CYTH4: variants seen among roughly 807,000 people sequenced by gnomAD.
The protein encoded by CYTH4 is cytohesin-4.
In CYTH4, 22 loss-of-function variants were observed where a neutral mutation model predicts 57.5. That is an observed-to-expected ratio of 0.38 (90% CI 0.27 to 0.55). The LOEUF is 0.55. CYTH4 is among the 20% of genes least tolerant of loss of function. The probability of loss-of-function intolerance (pLI) is 0.74; values close to 1 mark genes in which losing one functional copy is unlikely to be tolerated. For synonymous variants in CYTH4, 186 were observed against 206.5 expected, an observed-to-expected ratio of 0.90 and a Z score of 0.85; for missense variants, 420 against 535.6, an observed-to-expected ratio of 0.78 and a Z score of 2.13.
chr22:37,293,012 G>A (rs1928807838), intron 2 of CYTH4, among the ~76,000 whole-genome samples: 1 of 152,216 alleles, frequency 6.6e-6, no homozygotes, highest in African/African-American at 2.4e-5. Context: ...TGAAGCTTCA[G>A]CCAGGTCTCA....
At chr22:37,303,905 C>A (rs955697194) in intron 8 of CYTH4, among the ~76,000 whole-genome samples, 4 of 152,222 alleles carry the variant, frequency 2.6e-5, no homozygotes, top group African/African-American at 9.7e-5. Flanking sequence ...TGCACCCCTG[C>A]CACACCATGC....
chr22:37,310,709 G>A (rs992001118), intron 9 of CYTH4, among the ~76,000 whole-genome samples: 1 of 152,266 alleles, frequency 6.6e-6, no homozygotes, highest in African/African-American at 2.4e-5. Flanking sequence ...TAGCCAGGAA[G>A]AGCAGGAACT....
At chr22:37,310,553 A>C (rs1401059028) in intron 9 of CYTH4, among the ~76,000 whole-genome samples, 1 of 152,238 alleles carries the variant, frequency 6.6e-6, no homozygotes, top group Non-Finnish European at 1.5e-5. Flanking sequence ...TGGGGTTAAC[A>C]ATGGTCTCCT....
Position 37,301,019 on chromosome 22 carries a change from G to C in CYTH4, c.547G>C (p.Asp183His). 6.2e-7 allele frequency: 1 copy of C among 1,613,298 alleles called. No individual in the cohort carries two copies. Among genetic ancestry groups the C allele is most frequent in the Non-Finnish European group, 8.5e-7 (1 of 1,179,386 alleles). The change falls in exon 7 of 13, where the codon GAC (aspartate) becomes CAC (histidine). Residue 183 changes from aspartate to histidine, a missense_variant and splice_region_variant. By Grantham distance (81) the Asp-to-His change is moderately conservative. Transcript: ENST00000248901. ...CAACCCAGGCGTCTTCCAGTCCACA[G>C]GTGCCAGGAGGGGAGTGGGACCCAG... is the stretch of plus-strand genomic sequence containing the variant. ...LCNPGVFQST[D>H]TCYVLSFSII...
chr22:37,306,680 T>C (rs1929409485), intron 8 of CYTH4, among the ~76,000 whole-genome samples: 1 of 152,238 alleles, frequency 6.6e-6, no homozygotes, highest in South Asian at 2.1e-4. Flanking sequence ...CAGGTTCAGC[T>C]AGATCCAGGT....
chr22:37,282,743 C>G (rs1288339383), intron 1 of CYTH4, among the ~76,000 whole-genome samples, 155 bp downstream of exon 1: 1 of 152,204 alleles, frequency 6.6e-6, no homozygotes, highest in Admixed American at 6.5e-5. Context: ...GCCTGTGTGT[C>G]CAGTTGCGTT....
Position 37,309,333 on chromosome 22 carries a change from C to G in CYTH4, c.808+10C>G. 4 of 1,611,944 alleles carry G rather than the reference C, an allele frequency of 2.5e-6. No individual in the cohort carries two copies. Among genetic ancestry groups the G allele is most frequent in the Non-Finnish European group, 3.4e-6 (4 of 1,178,076 alleles). On this transcript the variant is annotated intron_variant, in intron 9 of 12. Coordinates refer to ENST00000248901, the MANE Select transcript of CYTH4 (RefSeq NM_013385.5). ...TGGCTGCTCAAGCTAGGTGAGAGAC[C>G]GACAGACACACGTCGTCGCACACAC...
intron 5 of CYTH4, 36 bp from the exon 6 acceptor site, chr22:37,299,190 A>G (rs984835584): frequency 4.5e-6 from 7 of 1,546,510 alleles, no homozygotes; most frequent in South Asian, 1.1e-5. Flanking sequence ...CAAGTATCCA[A>G]GTGTGTCCCA....
chr22:37,292,345 C>G (rs1343816997), intron 1 of CYTH4: 1 of 437,818 alleles, frequency 2.3e-6, no homozygotes, highest in Admixed American at 3.8e-5. Flanking sequence ...TCTCATGGAG[C>G]CGAGAGTCTA....
Position 37,314,429 on chromosome 22 carries a change from A to C in CYTH4, c.*918A>C. The C allele has an allele frequency of 2.5e-6, 1 of 398,744 alleles. No homozygotes were observed. The highest frequency in any genetic ancestry group is 4.4e-6 in the Non-Finnish European group (1 of 226,126). The allele number at this position is 398,744 out of a possible 1,614,324, so 24.7% of individuals were successfully genotyped here. ...AGCAGGATGGGTGCTATATCCAAGA[A>C]GCCAAGAAGGGAGAGTTTCGTGCAC... On this transcript the variant is annotated 3_prime_UTR_variant, in exon 13 of 13. Transcript: ENST00000248901.
chr22:37,284,124 A>G (rs926497893), intron 1 of CYTH4, among the ~76,000 whole-genome samples: 3 of 152,134 alleles, frequency 2.0e-5, no homozygotes, highest in African/African-American at 4.8e-5. Context: ...GGCCGGGGCT[A>G]TGGAGAGGGC....
At chr22:37,302,190 G>C (rs1165559718) in intron 7 of CYTH4, among the ~76,000 whole-genome samples, 4 of 152,194 alleles carry the variant, frequency 2.6e-5, no homozygotes, top group Admixed American at 1.3e-4. Context: ...GTGTTTGTTT[G>C]CTTGTTTATT....
intron 1 of CYTH4, among the ~76,000 whole-genome samples, chr22:37,289,997 G>T (rs140671693): frequency 2.0e-5 from 3 of 152,210 alleles, no homozygotes; most frequent in Non-Finnish European, 2.9e-5. Flanking sequence ...TTCGCTGTGG[G>T]GATGATGGGT....
At chr22:37,290,929 C>A (rs936342498) in intron 1 of CYTH4, among the ~76,000 whole-genome samples, 1 of 152,158 alleles carries the variant, frequency 6.6e-6, no homozygotes, top group Non-Finnish European at 1.5e-5. Context: ...AGCAGGCTTT[C>A]CTCCCAGCAG....
intron 4 of CYTH4, among the ~76,000 whole-genome samples, chr22:37,296,797 C>T (rs2145860864): frequency 6.6e-6 from 1 of 152,278 alleles, no homozygotes; most frequent in African/African-American, 2.4e-5. Flanking sequence ...ACACTCTCAC[C>T]CCACCCAGCA....
At position 37,311,507 on chromosome 22, in the gene CYTH4, G is replaced by C; in HGVS notation, c.937G>C (p.Val313Leu). 1 of 1,614,066 alleles carries C rather than the reference G, an allele frequency of 6.2e-7. No homozygotes were observed. Among genetic ancestry groups the C allele is most frequent in the Non-Finnish European group, 8.5e-7 (1 of 1,180,026 alleles). Reference sequence around the variant, plus strand: ...TCTTGAGAACCTCTCGGTGCAGAAGGTGGATGACCCCAAGAAGCCAGTAGG... The same window carrying C: ...TCTTGAGAACCTCTCGGTGCAGAAGCTGGATGACCCCAAGAAGCCAGTAGG... ...IPLENLSVQK[V>L]DDPKKPFCLE... Residue 313 changes from valine (V) to leucine (L), a missense_variant, in exon 11 of 13, where the codon GTG (valine) becomes CTG (leucine). Val to Leu is a conservative substitution (Grantham distance 32). Transcript: ENST00000248901. This position sits in a 1 kb window ranked among gnomAD's most constrained non-coding sequence, Gnocchi z 4.4.
chr22:37,304,782 T>G (rs947179036), intron 8 of CYTH4, among the ~76,000 whole-genome samples: 1 of 152,192 alleles, frequency 6.6e-6, no homozygotes, highest in Admixed American at 6.5e-5. Context: ...CCCGTTTGCC[T>G]GCTAGGTGAC....
rs1210715053 is a variant in CYTH4, at chr22:37,314,179, G to A, written c.*668G>A. ...CCCATTCTCTAGTTCTTGCAAAACT[G>A]CAGTGTTTGGACTAGAAACGTATTG... On this transcript the variant is annotated 3_prime_UTR_variant, in exon 13 of 13. Coordinates refer to ENST00000248901, the MANE Select transcript of CYTH4 (RefSeq NM_013385.5). 3 of 394,656 alleles carry A rather than the reference G, an allele frequency of 7.6e-6. No homozygotes were observed. The highest frequency in any genetic ancestry group is 8.8e-5 in the Admixed American group (2 of 22,624). 24.4% of individuals were successfully genotyped at this position (394,656 alleles called of 1,614,324 possible).
Position 37,282,562 on chromosome 22 carries a change from G to A in CYTH4, c.-8G>A. On this transcript the variant is annotated 5_prime_UTR_variant, in exon 1 of 13. Coordinates refer to ENST00000248901, the MANE Select transcript of CYTH4 (RefSeq NM_013385.5). Reference sequence around the variant, plus strand: ...AGCACGGGTCATCTTTTCCCCAGAGGCGTCGGAATGGACCTGTGCCACCCA... The same window carrying A: ...AGCACGGGTCATCTTTTCCCCAGAGACGTCGGAATGGACCTGTGCCACCCA... 6.2e-7 allele frequency: 1 copy of A among 1,613,798 alleles called. No homozygotes were observed.
Sources: allele counts gnomAD v4.1 joint callset (sites outside exome capture counted in the v4.1 genomes callset), GRCh38; gene constraint gnomAD v4.1.1; non-coding constraint Gnocchi (gnomAD v3.1); transcripts MANE v1.5; gene names NCBI Gene and HGNC (gene_info 2026-07-23, HGNC 2026-07-21).